MAPKAPK2: variants seen among roughly 807,000 people sequenced by gnomAD.
The protein encoded by MAPKAPK2 is MAPK activated protein kinase 2.
Under a neutral mutation model 48.8 loss-of-function variants are expected in MAPKAPK2, and 9 were observed. The ratio of observed to expected loss-of-function variants is 0.18; its 90% CI spans 0.11 to 0.32. The LOEUF (loss-of-function observed/expected upper bound fraction) is 0.32, where lower values mean the gene tolerates loss of function less well. Among genes scored for constraint, MAPKAPK2 ranks in the 10% least tolerant of loss-of-function variants. The pLI is 1.00. For missense variants in MAPKAPK2, 331 were observed against 498.3 expected (o/e 0.66, Z 3.20); for synonymous variants, 202 against 190.6 (o/e 1.06, Z -0.49).
intron 1 of MAPKAPK2, among the ~76,000 whole-genome samples, chr1:206,698,102 T>C (rs1572484219): frequency 6.6e-6 from 1 of 152,392 alleles, no homozygotes; most frequent in East Asian, 1.9e-4. Flanking sequence ...GTCCTCAGTT[T>C]CTGCAGGACA....
chr1:206,715,949 C>T (rs1673313490), intron 1 of MAPKAPK2, among the ~76,000 whole-genome samples: 1 of 151,780 alleles, frequency 6.6e-6, no homozygotes, highest in Non-Finnish European at 1.5e-5. Flanking sequence ...CTGCGCCTGA[C>T]CTGAATATTG....
rs142063401 is a variant in MAPKAPK2 at position 206,731,233 on chromosome 1, A to G, written c.863A>G (p.Asn288Ser). The change falls in exon 7 of 10, where the codon AAC becomes AGC. Residue 288 changes from asparagine (N) to serine (S), a missense_variant. Physicochemically the swap from Asn to Ser is conservative, Grantham distance 46. This residue lies in a region of MAPKAPK2 where 124 missense variants were observed against 194.6 expected (regional missense o/e 0.64). Transcript: ENST00000367103. This position sits in a 1 kb window ranked among gnomAD's most constrained non-coding sequence, Gnocchi z 5.9. ...RIRMGQYEFP[N>S]PEWSEVSEEV... ...CGAATGGGCCAGTATGAATTTCCCA[A>G]CCCAGAATGGTCAGAAGTATCAGAG... 84 of 1,614,192 alleles carry G rather than the reference A, an allele frequency of 5.2e-5. No homozygotes were observed. In the African/African-American group the frequency reaches 1.0e-3, roughly 20 times the overall value.
At chr1:206,714,716 G>GAC (rs1673271433) in intron 1 of MAPKAPK2, among the ~76,000 whole-genome samples, 1 of 138,222 alleles carries the variant, frequency 7.2e-6, no homozygotes, top group African/African-American at 2.7e-5. Flanking sequence ...AGTGAGCTGA[G>GAC]ATCACACCAT....
In MAPKAPK2 at chr1:206,684,957, C is replaced by G. The variant is rs1213912413; in HGVS notation, c.-273C>G. On this transcript the variant is annotated 5_prime_UTR_variant, in exon 1 of 10. Coordinates refer to ENST00000367103, the MANE Select transcript of MAPKAPK2 (RefSeq NM_032960.4). ...GTACATTGTCGCGCGGCCGCTTCCC[C>G]CCGGCCGGGCCCCCGCCGCCCCGCG... 2.3e-4 allele frequency: 36 copies of G among 153,196 alleles called. No homozygotes were observed. Among genetic ancestry groups the G allele is most frequent in the African/African-American group, 8.5e-4 (35 of 41,394 alleles). The allele number at this position is 153,196 out of a possible 1,614,324, so 9.5% of individuals were successfully genotyped here.
intron 1 of MAPKAPK2, among the ~76,000 whole-genome samples, chr1:206,724,640 A>C (rs782574856): frequency 2.0e-5 from 3 of 149,698 alleles, no homozygotes; most frequent in African/African-American, 7.4e-5. Flanking sequence ...AATTCTTGCT[A>C]AGTTTCTCTA....
intron 1 of MAPKAPK2, among the ~76,000 whole-genome samples, chr1:206,687,981 CCT>C (rs1344712771): frequency 6.6e-6 from 1 of 152,196 alleles, no homozygotes; most frequent in Non-Finnish European, 1.5e-5. Context: ...TAGATGCTCT[CCT>C]CTCTGCCTAT....
At chr1:206,689,759 T>C (rs1672396824) in intron 1 of MAPKAPK2, among the ~76,000 whole-genome samples, 1 of 152,262 alleles carries the variant, frequency 6.6e-6, no homozygotes, top group Non-Finnish European at 1.5e-5. Context: ...TGGATTAAAC[T>C]AAATTAAATT....
intron 1 of MAPKAPK2, among the ~76,000 whole-genome samples, chr1:206,698,670 A>G (rs1390742778): frequency 6.6e-6 from 1 of 152,240 alleles, no homozygotes; most frequent in Non-Finnish European, 1.5e-5. Context: ...TCCTTAAAAT[A>G]ACCCTTTTAC....
chr1:206,719,632 G>A (rs1200512880), intron 1 of MAPKAPK2, among the ~76,000 whole-genome samples: 2 of 152,142 alleles, frequency 1.3e-5, no homozygotes, highest in East Asian at 3.9e-4. Flanking sequence ...GCTTTGCAGA[G>A]GCTCTGAAAG....
chr1:206,695,906 C>G, intron 1 of MAPKAPK2: 1 of 620,812 alleles, frequency 1.6e-6, no homozygotes, highest in South Asian at 1.8e-5. Flanking sequence ...TCTGTCCGAT[C>G]TTCATACCTG....
intron 1 of MAPKAPK2, among the ~76,000 whole-genome samples, chr1:206,690,079 CAG>C (rs1553426079): frequency 2.0e-5 from 3 of 152,112 alleles, no homozygotes; most frequent in Admixed American, 1.3e-4. Context: ...AACAGGAGGT[CAG>C]AGTGGTCAGG....
intron 1 of MAPKAPK2, among the ~76,000 whole-genome samples, chr1:206,728,022 GT>G (rs34647668): frequency 0.51 from 77,029 of 151,958 alleles, 20,742 homozygotes; most frequent in East Asian, 0.81. Flanking sequence ...GCTTAGACAG[GT>G]CAAGATTGAA....
At chr1:206,698,444 T>C (rs1413437601) in intron 1 of MAPKAPK2, among the ~76,000 whole-genome samples, 1 of 152,164 alleles carries the variant, frequency 6.6e-6, no homozygotes, top group Non-Finnish European at 1.5e-5. Context: ...CTCAAGAAAA[T>C]TAATTAGCAA....
intron 1 of MAPKAPK2, among the ~76,000 whole-genome samples, chr1:206,692,625 A>G (rs1004978303): frequency 1.3e-5 from 2 of 152,156 alleles, no homozygotes; most frequent in African/African-American, 4.8e-5. Flanking sequence ...CTGATCAGTA[A>G]ACACCTCTGT....
intron 1 of MAPKAPK2, among the ~76,000 whole-genome samples, chr1:206,720,825 A>G (rs1673492460): frequency 6.6e-6 from 1 of 152,220 alleles, no homozygotes; most frequent in South Asian, 2.1e-4. Context: ...AAAAAATAGG[A>G]TAGTATTCTA....
At chr1:206,729,705 C>A (rs1049375638) in intron 4 of MAPKAPK2, among the ~76,000 whole-genome samples, 6 of 152,130 alleles carry the variant, frequency 3.9e-5, no homozygotes, top group African/African-American at 1.2e-4. Flanking sequence ...TCAGGCAGAA[C>A]CCCTCAGTCA....
Position 206,716,953 on chromosome 1 carries a change from G to T in MAPKAPK2, c.280-11757G>T, listed in dbSNP as rs530716267. On this transcript the variant is annotated intron_variant, in intron 1 of 9. Coordinates refer to ENST00000367103, the MANE Select transcript of MAPKAPK2 (RefSeq NM_032960.4). ...AAGATGCCTTGTATCTTGTTCTGGTGTACAGTCTGCCCATTTAATTGGTAA... is the reference window on the plus strand; with the variant it reads ...AAGATGCCTTGTATCTTGTTCTGGTTTACAGTCTGCCCATTTAATTGGTAA... Among the ~76,000 whole-genome samples the T allele has an allele frequency of 4.6e-5, 7 of 152,282 alleles. No homozygotes were observed. The South Asian group carries it at 1.4e-3, about 32-fold the overall frequency.
At chr1:206,722,031 C>T (rs1432110027) in intron 1 of MAPKAPK2, among the ~76,000 whole-genome samples, 1 of 151,102 alleles carries the variant, frequency 6.6e-6, no homozygotes, top group Non-Finnish European at 1.5e-5. Context: ...CACCATTGCA[C>T]TCCAGCCTGG....
In MAPKAPK2 at chr1:206,685,299, C is replaced by T; in HGVS notation, c.70C>T (p.Pro24Ser). Residue 24 changes from proline to serine, a missense_variant, in exon 1 of 10, where the codon CCC becomes TCC. Pro to Ser is a moderately conservative substitution (Grantham distance 74). Around this residue, in one of 4 missense-constraint regions of MAPKAPK2, gnomAD observed 93 missense variants for 81.0 expected, o/e 1.15. Transcript: ENST00000367103. Reference protein sequence around the residue: ...FPAPAPPPQPPTPALPHPPAQ... With the variant: ...FPAPAPPPQPSTPALPHPPAQ... ...CGCCCCGGCCCCGCCGCCGCAGCCC[C>T]CCACCCCTGCCCTGCCGCACCCCCC... 1.5e-6 allele frequency: 1 copy of T among 676,132 alleles called. No individual in the cohort carries two copies. Among genetic ancestry groups the T allele is most frequent in the Non-Finnish European group, 2.2e-6 (1 of 445,064 alleles). The allele number at this position is 676,132 out of a possible 1,614,324, so 41.9% of individuals were successfully genotyped here. A position where few individuals can be genotyped will look rare whatever the true frequency, so the allele number is the denominator to read the frequency against.
Sources: allele counts gnomAD v4.1 joint callset (sites outside exome capture counted in the v4.1 genomes callset), GRCh38; gene constraint gnomAD v4.1.1; regional missense constraint gnomAD v4.1.1; non-coding constraint Gnocchi (gnomAD v3.1); transcripts MANE v1.5; gene names NCBI Gene and HGNC (gene_info 2026-07-23, HGNC 2026-07-21).